The following TRAPPC9 variants were observed in gnomAD, a reference collection of about 807,000 sequenced individuals.
TRAPPC9 encodes the protein IKK2 binding protein.
Under a neutral mutation model 124.0 loss-of-function variants are expected in TRAPPC9, and 83 were observed. That is an observed-to-expected ratio of 0.67 (90% CI 0.56 to 0.80). The LOEUF (loss-of-function observed/expected upper bound fraction) is 0.80. Ranked by LOEUF, TRAPPC9 falls within the 30% of genes least tolerant of loss-of-function variation. The pLI, the probability that TRAPPC9 is intolerant of heterozygous loss-of-function variation, is 0.00. For missense variants in TRAPPC9, 1,302 were observed against 1,508.3 expected, an observed-to-expected ratio of 0.86 and a Z score of 2.27; for synonymous variants, 638 against 617.5, an observed-to-expected ratio of 1.03 and a Z score of -0.49.
chr8:139,947,373 G>A (rs1834297109), intron 19 of TRAPPC9, among the ~76,000 whole-genome samples: 1 of 152,148 alleles, frequency 6.6e-6, no homozygotes, highest in Non-Finnish European at 1.5e-5. Flanking sequence ...GAAAAGCAAT[G>A]CTGTATTACT....
chr8:140,142,802 C>T (rs939514935), intron 17 of TRAPPC9, among the ~76,000 whole-genome samples: 1 of 152,226 alleles, frequency 6.6e-6, no homozygotes, highest in Non-Finnish European at 1.5e-5. Context: ...TCCAAACCTT[C>T]ATTTCTTCAT....
intron 19 of TRAPPC9, among the ~76,000 whole-genome samples, chr8:139,962,767 G>C (rs930955275): frequency 8.1e-6 from 1 of 124,104 alleles, no homozygotes; most frequent in Non-Finnish European, 1.9e-5. Context: ...GGGAGGCCCA[G>C]CATCACAGCC....
At chr8:140,333,797 T>C (rs2066961991) in intron 9 of TRAPPC9, among the ~76,000 whole-genome samples, 1 of 152,232 alleles carries the variant, frequency 6.6e-6, no homozygotes, top group Non-Finnish European at 1.5e-5. Context: ...CATAGTATCA[T>C]AAAATGTCAA....
At chr8:140,430,011 G>T (rs1312060489) in intron 4 of TRAPPC9, among the ~76,000 whole-genome samples, 1 of 151,470 alleles carries the variant, frequency 6.6e-6, no homozygotes, top group African/African-American at 2.4e-5. Flanking sequence ...GCTGGGCGAG[G>T]TGGCAGGCGC....
chr8:140,334,169 TCATA>T (rs1435065670), intron 9 of TRAPPC9, among the ~76,000 whole-genome samples: 1 of 152,246 alleles, frequency 6.6e-6, no homozygotes, highest in Non-Finnish European at 1.5e-5. Context: ...ATATTTCACT[TCATA>T]TTCATTTGAC....
In TRAPPC9 at chr8:140,241,671, G is replaced by C. The variant is rs1293863014; in HGVS notation, c.2431+11106C>G. Among the ~76,000 whole-genome samples, 2 of 151,902 alleles carry C rather than the reference G, an allele frequency of 1.3e-5. No homozygotes were observed. The highest frequency in any genetic ancestry group is 3.9e-4 in the East Asian group (2 of 5,120). ...GATAGTGCTACTGCACTCCAGCCTG[G>C]CAACAGTCCGAGACTCCATCTCAAA... On this transcript the variant is annotated intron_variant, in intron 16 of 22. Transcript: ENST00000438773. The surrounding 1 kb of genome is among the most constrained non-coding windows in gnomAD (Gnocchi z 5.0).
At chr8:139,735,888 G>A (rs1164109402) in intron 21 of TRAPPC9, among the ~76,000 whole-genome samples, 1 of 152,202 alleles carries the variant, frequency 6.6e-6, no homozygotes, top group Non-Finnish European at 1.5e-5. Flanking sequence ...TTTCTAAGAA[G>A]AGGGGAAGGA....
intron 21 of TRAPPC9, among the ~76,000 whole-genome samples, chr8:139,819,645 A>C (rs377239034): frequency 1.2e-4 from 18 of 152,218 alleles, no homozygotes; most frequent in African/African-American, 4.1e-4. Context: ...TTAGCAAATC[A>C]AACCCAGCAG....
Position 139,837,200 on chromosome 8 carries a change from G to A in TRAPPC9, c.3055+48679C>T, listed in dbSNP as rs867005789. Among the ~76,000 whole-genome samples the A allele has an allele frequency of 7.2e-5, 11 of 152,292 alleles. No homozygotes were observed. The South Asian group carries it at 8.3e-4, about 11-fold the overall frequency. On this transcript the variant is annotated intron_variant, in intron 21 of 22. Transcript: ENST00000438773. The stretch of plus-strand genomic sequence containing the variant: ...CTGGACTACGGTTCTTACCATCACC[G>A]TGACACACATGCAAGAGCCCTCCTG...
In TRAPPC9 at chr8:139,910,202, C is replaced by T. The variant is rs780452862; in HGVS notation, c.2909G>A (p.Arg970Gln). 19 of 1,614,052 alleles carry T rather than the reference C, an allele frequency of 1.2e-5. No homozygotes were observed. The highest frequency in any genetic ancestry group is 1.7e-5 in the Admixed American group (1 of 59,998). Residue 970 changes from arginine to glutamine, a missense_variant, in exon 20 of 23, where the codon CGG (arginine) becomes CAG (glutamine). Physicochemically the swap from Arg to Gln is conservative, Grantham distance 43. Coordinates refer to ENST00000438773, the MANE Select transcript of TRAPPC9 (RefSeq NM_001160372.4). ...GATCTCCAGGCCTCGGGCTTCCCGCCGCTCTTCCTCCAGCTGCTTGGGGTT... is the reference window on the plus strand; with the variant it reads ...GATCTCCAGGCCTCGGGCTTCCCGCTGCTCTTCCTCCAGCTGCTTGGGGTT... ...FANPKQLEEE[R>Q]REARGLEIHS...
chr8:139,802,157 A>G (rs1823582269), intron 21 of TRAPPC9, among the ~76,000 whole-genome samples: 1 of 152,070 alleles, frequency 6.6e-6, no homozygotes, highest in Non-Finnish European at 1.5e-5. Flanking sequence ...ACCTGAGCAC[A>G]CCCTCTGTGC....
chr8:140,387,560 C>T (rs1025133263), intron 7 of TRAPPC9, among the ~76,000 whole-genome samples: 26 of 152,134 alleles, frequency 1.7e-4, no homozygotes, highest in African/African-American at 4.1e-4. Flanking sequence ...AACAAGTGGG[C>T]GAAGGATATG....
chr8:139,851,870 G>A (rs899543550), intron 21 of TRAPPC9, among the ~76,000 whole-genome samples: 1 of 152,172 alleles, frequency 6.6e-6, no homozygotes, highest in Non-Finnish European at 1.5e-5. Flanking sequence ...GTGAGGGGCA[G>A]GTGGAGAAGG....
chr8:140,423,298 G>C (rs187935450), intron 5 of TRAPPC9, among the ~76,000 whole-genome samples: 1 of 152,150 alleles, frequency 6.6e-6, no homozygotes, highest in Non-Finnish European at 1.5e-5. Context: ...AAATTAGCCA[G>C]GCATGGTGGT....
intron 2 of TRAPPC9, among the ~76,000 whole-genome samples, chr8:140,450,187 C>T (rs1457907926): frequency 6.6e-6 from 1 of 152,122 alleles, no homozygotes; most frequent in Non-Finnish European, 1.5e-5. Context: ...GTGGCAAGAT[C>T]CTGTCTCTAT....
chr8:139,991,622 T>C (rs1475782303), intron 18 of TRAPPC9, among the ~76,000 whole-genome samples: 1 of 150,364 alleles, frequency 6.7e-6, no homozygotes, highest in Non-Finnish European at 1.5e-5. Context: ...CTGTCTGAAG[T>C]ATGGGGAAAT....
intron 21 of TRAPPC9, among the ~76,000 whole-genome samples, 197 bp from the exon 22 acceptor site, chr8:139,732,399 G>A (rs1467296939): frequency 1.3e-5 from 2 of 152,252 alleles, no homozygotes; most frequent in African/African-American, 2.4e-5. Flanking sequence ...TGGCAAAGAC[G>A]GGTGTGGTGG....
chr8:139,839,955 G>T (rs1040936519), intron 21 of TRAPPC9, among the ~76,000 whole-genome samples: 3 of 152,340 alleles, frequency 2.0e-5, no homozygotes, highest in Non-Finnish European at 4.4e-5. Flanking sequence ...GTGTTCCAAA[G>T]AAACCCTGGC....
At chr8:140,396,138 CTTT>C (rs59266343) in intron 7 of TRAPPC9, among the ~76,000 whole-genome samples, 4 of 83,338 alleles carry the variant, frequency 4.8e-5, no homozygotes, top group Non-Finnish European at 6.3e-5. Context: ...AAGACCTTGC[CTTT>C]TTTTTTTTTT....
Sources: allele counts gnomAD v4.1 joint callset (sites outside exome capture counted in the v4.1 genomes callset), GRCh38; gene constraint gnomAD v4.1.1; non-coding constraint Gnocchi (gnomAD v3.1); transcripts MANE v1.5; gene names NCBI Gene and HGNC (gene_info 2026-07-23, HGNC 2026-07-21).